EIF4G3: variants seen among roughly 807,000 people sequenced by gnomAD.
EIF4G3 encodes eukaryotic translation initiation factor 4 gamma 3.
Under a neutral mutation model 186.4 loss-of-function variants are expected in EIF4G3, and 34 were observed. The observed-to-expected ratio is 0.18, with a 90% CI of 0.14 to 0.24. The LOEUF (loss-of-function observed/expected upper bound fraction) is 0.24. Among genes scored for constraint, EIF4G3 ranks in the 10% least tolerant of loss-of-function variants. The pLI, the probability that EIF4G3 is intolerant of heterozygous loss-of-function variation, is 1.00. For missense variants in EIF4G3, 1,536 were observed against 1,948.5 expected (o/e 0.79, Z 3.99); for synonymous variants, 673 against 679.5 (o/e 0.99, Z 0.15).
rs1053135947 is a variant in EIF4G3, at chr1:21,089,319, T to C, written c.-271-106A>G. 6 of 664,872 alleles carry C rather than the reference T, an allele frequency of 9.0e-6. No homozygotes were observed. In the African/African-American group the frequency reaches 9.0e-5, roughly 10 times the overall value. 41.2% of individuals were successfully genotyped at this position (664,872 alleles called of 1,614,324 possible). On this transcript the variant is annotated intron_variant, in intron 2 of 36. Coordinates refer to ENST00000602326, the MANE Select transcript of EIF4G3 (RefSeq NM_001391906.1). Reference sequence around the variant, plus strand: ...CAACGACCTAAGCATTTTCACCCAATTAGTGAGTTATATACTTCTCCACTA... The same window carrying C: ...CAACGACCTAAGCATTTTCACCCAACTAGTGAGTTATATACTTCTCCACTA...
intron 3 of EIF4G3, among the ~76,000 whole-genome samples, chr1:21,081,034 T>C (rs990792221): frequency 9.2e-5 from 14 of 152,352 alleles, no homozygotes; most frequent in African/African-American, 3.4e-4. Context: ...GGCAGGCCAA[T>C]ATAAGAAAGT....
At chr1:21,124,715 TTTGG>T (rs2096995170) in intron 2 of EIF4G3, among the ~76,000 whole-genome samples, 2 of 152,350 alleles carry the variant, frequency 1.3e-5, no homozygotes, top group Admixed American at 1.3e-4. Flanking sequence ...TGGCATTTAT[TTTGG>T]TCAGCCAACA....
At chr1:20,893,684 C>T in intron 17 of EIF4G3, 48 bp from the exon 18 acceptor site, 13 of 1,436,206 alleles carry the variant, frequency 9.1e-6, no homozygotes, top group Non-Finnish European at 1.2e-5. Context: ...CAGAGCATTC[C>T]CTGCCACAAA....
At chr1:20,838,414 G>A (rs879823446) in intron 30 of EIF4G3, among the ~76,000 whole-genome samples, 4 of 152,046 alleles carry the variant, frequency 2.6e-5, no homozygotes, top group Admixed American at 6.6e-5. Flanking sequence ...GGATATCCTC[G>A]TCACTCCAAC....
intron 3 of EIF4G3, among the ~76,000 whole-genome samples, chr1:21,053,389 G>A (rs914714110): frequency 6.0e-5 from 9 of 149,066 alleles, no homozygotes; most frequent in South Asian, 2.1e-4. Flanking sequence ...CCCCCCGCCC[G>A]GACAGCCGCC....
chr1:21,174,217 AAATTT>A (rs1316190741), intron 2 of EIF4G3, among the ~76,000 whole-genome samples: 10 of 152,364 alleles, frequency 6.6e-5, no homozygotes, highest in African/African-American at 2.2e-4. Context: ...ACTTACACTT[AAATTT>A]ATCTCTTTAA....
At chr1:20,895,548 C>T in intron 16 of EIF4G3, 47 bp from the exon 17 acceptor site, 1 of 1,591,562 alleles carries the variant, frequency 6.3e-7, no homozygotes, top group Non-Finnish European at 8.6e-7. Context: ...GCATTATATA[C>T]AGTCATGCAT....
chr1:20,856,375 G>C (rs2074901976), intron 25 of EIF4G3, among the ~76,000 whole-genome samples: 1 of 152,196 alleles, frequency 6.6e-6, no homozygotes, highest in South Asian at 2.1e-4. Flanking sequence ...TTGCTAGCAG[G>C]GTGCCGATTT....
rs545419854 is a variant in EIF4G3 at position 21,057,135 on chromosome 1, C to G, written c.-195-6141G>C. On this transcript the variant is annotated intron_variant, in intron 3 of 36. Transcript: ENST00000602326. ...TGGTAAGCTTGGAAACAGTCATGCCCTATGACCCAGCCATTCCACTCCTAG... is the reference window on the plus strand; with the variant it reads ...TGGTAAGCTTGGAAACAGTCATGCCGTATGACCCAGCCATTCCACTCCTAG... 2.0e-5 allele frequency among the ~76,000 whole-genome samples: 3 copies of G among 152,252 alleles called. No individual in the cohort carries two copies. The South Asian group carries it at 6.2e-4, about 32-fold the overall frequency.
At chr1:21,059,015 C>A (rs930731081) in intron 3 of EIF4G3, among the ~76,000 whole-genome samples, 1 of 151,856 alleles carries the variant, frequency 6.6e-6, no homozygotes, top group Non-Finnish European at 1.5e-5. Flanking sequence ...TGAAAACATA[C>A]TGCTTTAAAA....
intron 4 of EIF4G3, among the ~76,000 whole-genome samples, chr1:21,011,282 T>G (rs925773276): frequency 6.6e-6 from 1 of 152,092 alleles, no homozygotes; most frequent in East Asian, 1.9e-4. Flanking sequence ...CTTTTCAATT[T>G]TTCTTATTCT....
At chr1:20,892,835 C>G (rs1045215676) in intron 18 of EIF4G3, 2 of 739,450 alleles carry the variant, frequency 2.7e-6, no homozygotes, top group Non-Finnish European at 4.4e-6. Flanking sequence ...AAGGTTGGCT[C>G]GCTCTGTATA....
chr1:21,061,554 C>A (rs1188787454), intron 3 of EIF4G3, among the ~76,000 whole-genome samples: 1 of 152,144 alleles, frequency 6.6e-6, no homozygotes, highest in African/African-American at 2.4e-5. Flanking sequence ...CAACATTCCA[C>A]ATAGCATCTA....
At chr1:21,055,745 A>G (rs2094532927) in intron 3 of EIF4G3, among the ~76,000 whole-genome samples, 1 of 152,110 alleles carries the variant, frequency 6.6e-6, no homozygotes, top group Non-Finnish European at 1.5e-5. Flanking sequence ...ATAGCAACCA[A>G]TGAGAAAATG....
rs985094314 is a variant in EIF4G3, at chr1:20,927,800, A to G, written c.1663+13691T>C. On this transcript the variant is annotated intron_variant, in intron 14 of 36. Transcript: ENST00000602326. ...AAGAACCACTCTGCTTTGCCGGCCC[A>G]ACTGGATATTTCATATCTGTGACAT... Among the ~76,000 whole-genome samples the G allele has an allele frequency of 3.3e-5, 5 of 152,316 alleles. No individual in the cohort carries two copies. In the South Asian group the frequency reaches 1.0e-3, roughly 32 times the overall value.
chr1:21,053,319 G>C (rs1181845490), intron 3 of EIF4G3, among the ~76,000 whole-genome samples: 3 of 151,704 alleles, frequency 2.0e-5, no homozygotes, highest in Non-Finnish European at 4.4e-5. Flanking sequence ...CACTCCGTCT[G>C]GGAAGTGAGG....
intron 11 of EIF4G3, among the ~76,000 whole-genome samples, chr1:20,971,943 T>A (rs901731724): frequency 2.0e-5 from 3 of 152,132 alleles, no homozygotes; most frequent in African/African-American, 7.2e-5. Context: ...TGAACCTCAT[T>A]AATTTTTATT....
intron 4 of EIF4G3, among the ~76,000 whole-genome samples, chr1:21,008,420 T>C (rs2085957669): frequency 6.6e-6 from 1 of 151,760 alleles, no homozygotes; most frequent in African/African-American, 2.4e-5. Context: ...CACTGCAACC[T>C]CCCCCTCCTG....
intron 7 of EIF4G3, among the ~76,000 whole-genome samples, chr1:20,997,361 G>GA (rs75245116): frequency 1.7e-4 from 25 of 149,350 alleles, no homozygotes; most frequent in Non-Finnish European, 2.4e-4. Context: ...TGCTTGGCAA[G>GA]AAAAAAAAAA....
Sources: gnomAD v4.1 joint callset for allele counts (sites outside exome capture counted in the v4.1 genomes callset) on GRCh38, gnomAD v4.1.1 for gene constraint, MANE v1.5 for transcripts, NCBI Gene and HGNC (gene_info 2026-07-23, HGNC 2026-07-21) for gene names.